MCC: variants seen among roughly 807,000 people sequenced by gnomAD.
MCC encodes colorectal mutant cancer protein.
MCC carries 90 observed loss-of-function variants against 116.2 expected under a neutral mutation model. The observed-to-expected ratio is 0.77, with a 90% CI of 0.65 to 0.92. The LOEUF (loss-of-function observed/expected upper bound fraction) is 0.92, where lower values mean the gene tolerates loss of function less well. MCC is among the 40% of genes least tolerant of loss of function. The pLI, the probability that MCC is intolerant of heterozygous loss-of-function variation, is 0.00. For missense variants in MCC, 1,516 were observed against 1,312.2 expected (o/e 1.16, Z -2.40); for synonymous variants, 578 against 510.5 (o/e 1.13, Z -1.78).
At chr5:113,121,237 T>C (rs756131083) in intron 6 of MCC, among the ~76,000 whole-genome samples, 1 of 152,248 alleles carries the variant, frequency 6.6e-6, no homozygotes, top group Non-Finnish European at 1.5e-5. Flanking sequence ...CTATGGATTC[T>C]TTCTCCACAC....
chr5:113,148,567 G>A (rs1303895023), intron 4 of MCC, among the ~76,000 whole-genome samples: 5 of 152,142 alleles, frequency 3.3e-5, no homozygotes, highest in African/African-American at 1.2e-4. Context: ...GAGCCACACA[G>A]CGTAAGTTTA....
chr5:113,285,459 G>A (rs1295530427), intron 3 of MCC, among the ~76,000 whole-genome samples: 1 of 151,328 alleles, frequency 6.6e-6, no homozygotes, highest in African/African-American at 2.4e-5. Context: ...GAAGCCCTAG[G>A]TGATCTGGCC....
intron 2 of MCC, among the ~76,000 whole-genome samples, chr5:113,351,554 G>C (rs968177625): frequency 6.6e-6 from 1 of 152,076 alleles, no homozygotes; most frequent in Non-Finnish European, 1.5e-5. Flanking sequence ...AGGGTAGTGG[G>C]GGAAGTAGAG....
chr5:113,069,132 T>C (rs1156798725), intron 12 of MCC, among the ~76,000 whole-genome samples: 2 of 152,346 alleles, frequency 1.3e-5, no homozygotes, highest in East Asian at 3.9e-4. Context: ...TCAATAGCCA[T>C]ACATGGCCAG....
intron 3 of MCC, among the ~76,000 whole-genome samples, chr5:113,280,389 G>A (rs1041923947): frequency 6.6e-6 from 1 of 152,086 alleles, no homozygotes; most frequent in Non-Finnish European, 1.5e-5. Context: ...CATGTATTCT[G>A]TCAAGCACAC....
rs987119356 is a variant in MCC, at chr5:113,078,065, T to C, written c.1784+4795A>G. Reference sequence around the variant, plus strand: ...AACTAGAAAATCTAGAAGAAACAGATAAATTCCTGGACACATACACCTTCC... The same window carrying C: ...AACTAGAAAATCTAGAAGAAACAGACAAATTCCTGGACACATACACCTTCC... On this transcript the variant is annotated intron_variant, in intron 11 of 18. Coordinates refer to ENST00000408903, the MANE Select transcript of MCC (RefSeq NM_001085377.2). Among the ~76,000 whole-genome samples the C allele has an allele frequency of 2.2e-4, 34 of 152,096 alleles. 1 individual carries two copies. The highest frequency in any genetic ancestry group is 6.5e-4 in the Admixed American group (10 of 15,272).
intron 3 of MCC, among the ~76,000 whole-genome samples, chr5:113,192,478 A>G (rs1301348087): frequency 6.6e-6 from 1 of 152,122 alleles, no homozygotes; most frequent in East Asian, 1.9e-4. Context: ...TATACCCCCT[A>G]CCTTTTTATA....
At chr5:113,462,410 C>A (rs373504181) in intron 1 of MCC, among the ~76,000 whole-genome samples, 26 of 152,362 alleles carry the variant, frequency 1.7e-4, no homozygotes, top group African/African-American at 5.5e-4. Flanking sequence ...GCCATATTTT[C>A]CTGAAGCCTC....
chr5:113,423,356 A>G (rs111315218), intron 1 of MCC, among the ~76,000 whole-genome samples: 5,366 of 152,264 alleles, frequency 0.035, 143 homozygotes, highest in African/African-American at 0.07. Context: ...TCAACAATCT[A>G]TATTAAACAG....
chr5:113,163,498 C>T (rs1172653516), intron 3 of MCC, among the ~76,000 whole-genome samples: 1 of 133,650 alleles, frequency 7.5e-6, no homozygotes, highest in Non-Finnish European at 1.6e-5. Context: ...TCTCTTTCCT[C>T]CTTTTTTCCT....
chr5:113,238,117 C>T lies in MCC; in HGVS notation c.628-86695G>A, dbSNP rs544412522. On this transcript the variant is annotated intron_variant, in intron 3 of 18. Transcript: ENST00000408903. ...GGCTTCCCTCATGGCATAAGTAGCA[C>T]TCACAGCAAAATGCATGCAACCAGT... Among the ~76,000 whole-genome samples, 4 of 152,290 alleles carry T rather than the reference C, an allele frequency of 2.6e-5. No individual in the cohort carries two copies. The East Asian group carries it at 7.7e-4, about 29-fold the overall frequency.
At chr5:113,459,007 C>T (rs920821747) in intron 1 of MCC, among the ~76,000 whole-genome samples, 1 of 152,084 alleles carries the variant, frequency 6.6e-6, no homozygotes, top group African/African-American at 2.4e-5. Context: ...ACATCCCTAA[C>T]CTTGCCAGAC....
intron 5 of MCC, among the ~76,000 whole-genome samples, chr5:113,132,919 T>C (rs1758549916): frequency 6.6e-6 from 1 of 152,198 alleles, no homozygotes; most frequent in Non-Finnish European, 1.5e-5. Flanking sequence ...GTCAATGGAA[T>C]CATTTTTGTA....
chr5:113,094,346 T>C lies in MCC; in HGVS notation c.1398+7393A>G, dbSNP rs192985800. Among the ~76,000 whole-genome samples, 4 of 152,228 alleles carry C rather than the reference T, an allele frequency of 2.6e-5. No individual in the cohort carries two copies. In the East Asian group the frequency reaches 7.7e-4, roughly 29 times the overall value. ...GATATGTGTGCTATTTTCTCTTTTG[T>C]TTTATAGCCCACTAAAGTACCTGGA... On this transcript the variant is annotated intron_variant, in intron 8 of 18. Coordinates refer to ENST00000408903, the MANE Select transcript of MCC (RefSeq NM_001085377.2).
In MCC at chr5:113,376,574, T is replaced by TATATAC. The variant is rs10633405; in HGVS notation, c.415+8393_415+8394insGTATAT. 7.1e-3 allele frequency among the ~76,000 whole-genome samples: 1,042 copies of TATATAC among 145,852 alleles called. 7 individuals are homozygous for TATATAC. The highest frequency in any genetic ancestry group is 0.012 in the Non-Finnish European group (778 of 66,676). ...TGAATCTCCTAGTTGCCATATTTTA[T>TATATAC]ACACACACACACACACACACACACA... On this transcript the variant is annotated intron_variant, in intron 2 of 18. Transcript: ENST00000408903.
intron 8 of MCC, among the ~76,000 whole-genome samples, chr5:113,085,833 G>A (rs1755167274): frequency 6.6e-6 from 1 of 152,136 alleles, no homozygotes; most frequent in Non-Finnish European, 1.5e-5. Context: ...CTGGGACTAG[G>A]TGCACACACC....
At chr5:113,488,041 A>G (rs913984343) in intron 1 of MCC, among the ~76,000 whole-genome samples, 1 of 152,010 alleles carries the variant, frequency 6.6e-6, no homozygotes, top group Non-Finnish European at 1.5e-5. Flanking sequence ...AGTTGGACCA[A>G]CTGGCACCCC....
At chr5:113,193,632 C>T (rs961689551) in intron 3 of MCC, among the ~76,000 whole-genome samples, 1 of 152,130 alleles carries the variant, frequency 6.6e-6, no homozygotes, top group Non-Finnish European at 1.5e-5. Flanking sequence ...CAAATTCAAA[C>T]GATAGAGAAA....
chr5:113,057,256 G>A (rs1752896863), intron 14 of MCC, among the ~76,000 whole-genome samples: 1 of 152,152 alleles, frequency 6.6e-6, no homozygotes. Context: ...TAGGATGGAG[G>A]CCATTGGGGG....
Sources: allele counts gnomAD v4.1 joint callset (sites outside exome capture counted in the v4.1 genomes callset), GRCh38; gene constraint gnomAD v4.1.1; transcripts MANE v1.5; gene names NCBI Gene and HGNC (gene_info 2026-07-23, HGNC 2026-07-21).